Variants in KIF26B observed in about 807,000 individuals in gnomAD.
KIF26B encodes the protein kinesin family member 26B.
KIF26B carries 63 observed loss-of-function variants against 151.2 expected under a neutral mutation model. The ratio of observed to expected loss-of-function variants is 0.42; its 90% CI spans 0.34 to 0.51. The LOEUF (loss-of-function observed/expected upper bound fraction) is 0.51, where lower values mean the gene tolerates loss of function less well. KIF26B is among the 20% of genes least tolerant of loss of function. The probability of loss-of-function intolerance (pLI) is 0.07; values close to 1 mark genes in which losing one functional copy is unlikely to be tolerated. For synonymous variants in KIF26B, 1,357 were observed against 1,262.1 expected, an observed-to-expected ratio of 1.08 and a Z score of -1.59; for missense variants, 2,813 against 2,913.6, an observed-to-expected ratio of 0.97 and a Z score of 0.79.
chr1:245,188,605 G>A (rs930380934), intron 2 of KIF26B, among the ~76,000 whole-genome samples: 2 of 152,190 alleles, frequency 1.3e-5, no homozygotes, highest in African/African-American at 4.8e-5. Flanking sequence ...ACATGTGTGT[G>A]TTGCTGCTGA....
At chr1:245,248,633 G>A (rs529566056) in intron 2 of KIF26B, among the ~76,000 whole-genome samples, 5 of 152,184 alleles carry the variant, frequency 3.3e-5, no homozygotes, top group Admixed American at 2.6e-4. Context: ...AGCAGGCTCC[G>A]ATAACACTTT....
At chr1:245,377,428 A>G (rs150274870) in intron 3 of KIF26B, among the ~76,000 whole-genome samples, 47 of 152,248 alleles carry the variant, frequency 3.1e-4, no homozygotes, top group African/African-American at 1.1e-3. Flanking sequence ...ATAAGGACAA[A>G]AGCCATTGGG....
chr1:245,285,252 TAGCAGAAACATGCATG>T (rs1671144695), intron 2 of KIF26B, among the ~76,000 whole-genome samples: 2 of 152,110 alleles, frequency 1.3e-5, no homozygotes, highest in Non-Finnish European at 2.9e-5. Flanking sequence ...CAAGAGTGCC[TAGCAGAAACATGCATG>T]AGCAGAAACA....
chr1:245,465,173 T>C (rs1659756626), intron 4 of KIF26B, among the ~76,000 whole-genome samples: 1 of 151,938 alleles, frequency 6.6e-6, no homozygotes, highest in Non-Finnish European at 1.5e-5. Flanking sequence ...AGAGACGGGG[T>C]TTCCCCATGT....
chr1:245,414,242 G>A (rs1048021897), intron 3 of KIF26B, among the ~76,000 whole-genome samples: 1 of 152,238 alleles, frequency 6.6e-6, no homozygotes, highest in African/African-American at 2.4e-5. Flanking sequence ...GGGAAGACTT[G>A]CTTTGAAGTG....
intron 3 of KIF26B, among the ~76,000 whole-genome samples, chr1:245,382,769 T>C (rs1673442436): frequency 6.6e-6 from 1 of 151,970 alleles, no homozygotes; most frequent in Non-Finnish European, 1.5e-5. Flanking sequence ...GGTTTCTCCA[T>C]GTTGGTCAGG....
At chr1:245,245,862 A>G (rs1203736936) in intron 2 of KIF26B, among the ~76,000 whole-genome samples, 2 of 148,584 alleles carry the variant, frequency 1.3e-5, no homozygotes, top group Non-Finnish European at 3.0e-5. Flanking sequence ...AGAGGCGGAG[A>G]TTGCAGTGAG....
At chr1:245,515,088 T>C (rs1481685204) in intron 4 of KIF26B, among the ~76,000 whole-genome samples, 1 of 152,232 alleles carries the variant, frequency 6.6e-6, no homozygotes, top group Non-Finnish European at 1.5e-5. Context: ...GTCCCAGCTC[T>C]GTGCATAACC....
intron 9 of KIF26B, among the ~76,000 whole-genome samples, chr1:245,621,206 A>G (rs964757738): frequency 6.6e-6 from 1 of 152,210 alleles, no homozygotes; most frequent in African/African-American, 2.4e-5. Context: ...AGGAACTACG[A>G]CGGTGCGGGA....
intron 2 of KIF26B, among the ~76,000 whole-genome samples, chr1:245,238,003 G>A (rs955557200): frequency 1.0e-4 from 15 of 148,714 alleles, no homozygotes; most frequent in African/African-American, 3.7e-4. Flanking sequence ...TCCAACCTGG[G>A]CAACAGAGCA....
intron 2 of KIF26B, among the ~76,000 whole-genome samples, chr1:245,180,723 G>A (rs994206571): frequency 6.6e-6 from 1 of 152,148 alleles, no homozygotes; most frequent in African/African-American, 2.4e-5. Context: ...TGGTGGTGGT[G>A]GGGGTAGGGG....
At chr1:245,280,479 C>T (rs564964517) in intron 2 of KIF26B, among the ~76,000 whole-genome samples, 8 of 138,670 alleles carry the variant, frequency 5.8e-5, no homozygotes, top group African/African-American at 1.7e-4. Flanking sequence ...TGCAGTAAGC[C>T]GAGATCGCAC....
chr1:245,472,992 C>A (rs531910970), intron 4 of KIF26B, among the ~76,000 whole-genome samples: 4 of 152,368 alleles, frequency 2.6e-5, no homozygotes, highest in African/African-American at 9.6e-5. Context: ...CATTTGCTTT[C>A]TGTGTAGACA....
chr1:245,686,955 C>T lies in KIF26B; in HGVS notation c.3972C>T (p.Asn1324=). Reference sequence around the variant, plus strand: ...CGGAGTTTGTCAGCAGCCTCCAGAACACCGCTGTGGTGTGCAGAGAGAAGC... The same window carrying T: ...CGGAGTTTGTCAGCAGCCTCCAGAATACCGCTGTGGTGTGCAGAGAGAAGC... ...VASEFVSSLQ[N]TAVVCREKPK... Residue 1324 remains asparagine, a synonymous_variant, in exon 12 of 15, where the codon AAC becomes AAT. Transcript: ENST00000407071. The surrounding 1 kb of genome is among the most constrained non-coding windows in gnomAD (Gnocchi z 5.6). 1.2e-6 allele frequency: 2 copies of T among 1,613,542 alleles called. No individual in the cohort carries two copies. Among genetic ancestry groups the T allele is most frequent in the Non-Finnish European group, 1.7e-6 (2 of 1,179,808 alleles).
At chr1:245,199,242 C>T (rs1258525218) in intron 2 of KIF26B, among the ~76,000 whole-genome samples, 1 of 152,032 alleles carries the variant, frequency 6.6e-6, no homozygotes, top group Non-Finnish European at 1.5e-5. Flanking sequence ...TACACTTGTT[C>T]CTGGTAGGGT....
intron 5 of KIF26B, among the ~76,000 whole-genome samples, chr1:245,589,157 C>T (rs2043259422): frequency 6.6e-6 from 1 of 152,164 alleles, no homozygotes; most frequent in Admixed American, 6.5e-5. Context: ...AAGATCCCTT[C>T]GGTGGTTTTC....
chr1:245,163,941 A>T (rs1558330102), intron 2 of KIF26B, among the ~76,000 whole-genome samples: 1 of 152,090 alleles, frequency 6.6e-6, no homozygotes, highest in Non-Finnish European at 1.5e-5. Context: ...TACAGATATC[A>T]TTACTCTCTT....
At chr1:245,411,120 C>T (rs754172593) in intron 3 of KIF26B, among the ~76,000 whole-genome samples, 19 of 152,194 alleles carry the variant, frequency 1.2e-4, no homozygotes, top group Non-Finnish European at 2.1e-4. Flanking sequence ...GACGTCTAAA[C>T]CAAAACATGT....
chr1:245,391,573 C>A (rs1176596311), intron 3 of KIF26B, among the ~76,000 whole-genome samples: 5 of 151,332 alleles, frequency 3.3e-5, no homozygotes, highest in African/African-American at 1.2e-4. Flanking sequence ...GGGAGGATCA[C>A]TTGGGGCCAG....
Sources: gnomAD v4.1 joint callset for allele counts (sites outside exome capture counted in the v4.1 genomes callset) on GRCh38, gnomAD v4.1.1 for gene constraint, Gnocchi (gnomAD v3.1) non-coding constraint, MANE v1.5 for transcripts, NCBI Gene and HGNC (gene_info 2026-07-23, HGNC 2026-07-21) for gene names.